SHQ1: variants seen among roughly 807,000 people sequenced by gnomAD.
SHQ1 encodes the protein SHQ1, H/ACA ribonucleoprotein assembly factor.
SHQ1 carries 49 observed loss-of-function variants against 53.8 expected under a neutral mutation model. That is an observed-to-expected ratio of 0.91 (90% confidence interval 0.72 to 1.16). The LOEUF (loss-of-function observed/expected upper bound fraction) is 1.16, where lower values mean the gene tolerates loss of function less well. Ranked by LOEUF, SHQ1 falls within the 50% of genes most tolerant of loss-of-function variation. SHQ1 has a pLI of 0.00. For missense variants in SHQ1, 738 were observed against 683.1 expected (o/e 1.08, Z -0.90); for synonymous variants, 243 against 251.0 (o/e 0.97, Z 0.30).
intron 9 of SHQ1, among the ~76,000 whole-genome samples, chr3:72,797,524 G>A (rs780024733): frequency 2.0e-5 from 3 of 152,174 alleles, no homozygotes; most frequent in Non-Finnish European, 4.4e-5. Context: ...ATTGACAAAT[G>A]AAGGTTACAA....
chr3:72,749,863 G>GT lies in SHQ1; in HGVS notation c.*420dup, dbSNP rs1265907337. On this transcript the variant is annotated 3_prime_UTR_variant, in exon 11 of 11. Transcript: ENST00000325599. Reference sequence around the variant, plus strand: ...AAAACAATGTCATAAAGTTGTCCCCGTATCTGTGGGGGGTTGGTTCCAGGA... The same window carrying GT: ...AAAACAATGTCATAAAGTTGTCCCCGTTATCTGTGGGGGGTTGGTTCCAGGA... 2 of 226,028 alleles carry GT rather than the reference G, an allele frequency of 8.8e-6. No individual in the cohort carries two copies. Among genetic ancestry groups the GT allele is most frequent in the Non-Finnish European group, 1.8e-5 (2 of 114,012 alleles). 14.0% of individuals were successfully genotyped at this position (226,028 alleles called of 1,614,324 possible).
Position 72,844,239 on chromosome 3 carries a change from G to A in SHQ1, c.208+120C>T, listed in dbSNP as rs1036314994. 3 of 771,466 alleles carry A rather than the reference G, an allele frequency of 3.9e-6. No individual in the cohort carries two copies. In the Admixed American group the frequency reaches 7.6e-5, roughly 19 times the overall value. The allele number at this position is 771,466 out of a possible 1,614,324, so 47.8% of individuals were successfully genotyped here. On this transcript the variant is annotated intron_variant, in intron 2 of 10. Coordinates refer to ENST00000325599, the MANE Select transcript of SHQ1 (RefSeq NM_018130.3). ...TGGACACTAAGAAACAAGAAAGAGTGATAGGAACAGATTGTATTTGAAAGA... is the reference window on the plus strand; with the variant it reads ...TGGACACTAAGAAACAAGAAAGAGTAATAGGAACAGATTGTATTTGAAAGA...
intron 10 of SHQ1, among the ~76,000 whole-genome samples, chr3:72,751,358 T>G (rs562262373): frequency 6.6e-6 from 1 of 152,014 alleles, no homozygotes; most frequent in Non-Finnish European, 1.5e-5. Context: ...AGGTGGAGGT[T>G]GCAGTGAGCC....
chr3:72,792,798 A>C lies in SHQ1; in HGVS notation c.1181+118T>G, dbSNP rs1391491872. The C allele has an allele frequency of 3.1e-5, 22 of 720,212 alleles. No homozygotes were observed. The South Asian group carries it at 3.1e-4, about 10-fold the overall frequency. The allele number at this position is 720,212 out of a possible 1,614,324, so 44.6% of individuals were successfully genotyped here. On this transcript the variant is annotated intron_variant, in intron 10 of 10. Transcript: ENST00000325599. ...AACCTCCATCTCAAAAAAAAAAAAA[A>C]AAAAAAAAAAAAACACAACTTACTC...
intron 6 of SHQ1, among the ~76,000 whole-genome samples, chr3:72,817,796 C>T (rs1423226847): frequency 6.6e-6 from 1 of 152,062 alleles, no homozygotes; most frequent in East Asian, 1.9e-4. Flanking sequence ...GGAATACTCC[C>T]AGATATTAAT....
the SHQ1 span, among the ~76,000 whole-genome samples, chr3:72,740,904 T>A: frequency 6.6e-6 from 1 of 152,236 alleles, no homozygotes; most frequent in Non-Finnish European, 1.5e-5. Flanking sequence ...TTTGCAAGAC[T>A]GATTCCAGAT....
chr3:72,845,987 C>T (rs915779765), intron 1 of SHQ1, among the ~76,000 whole-genome samples: 3 of 152,128 alleles, frequency 2.0e-5, no homozygotes, highest in African/African-American at 7.2e-5. Context: ...CTTCTTTGTA[C>T]AAGTTAATTA....
chr3:72,748,956 AACACAC>A (rs1040867730), downstream of SHQ1, among the ~76,000 whole-genome samples: 2 of 140,410 alleles, frequency 1.4e-5, no homozygotes, highest in African/African-American at 2.9e-5. Context: ...CCCTGTCTCA[AACACAC>A]ACGCACACGC....
At chr3:72,817,209 T>A in intron 7 of SHQ1, 21 bp downstream of exon 7, 1 of 1,604,196 alleles carries the variant, frequency 6.2e-7, no homozygotes, top group Non-Finnish European at 8.5e-7. Context: ...TATGGCAACA[T>A]GCACACATAC....
At position 72,796,148 on chromosome 3, in the gene SHQ1, A is replaced by T. The variant is rs1706614162; in HGVS notation, c.1061-3112T>A. Among the ~76,000 whole-genome samples, 3 of 151,148 alleles carry T rather than the reference A, an allele frequency of 2.0e-5. No individual in the cohort carries two copies. The South Asian group carries it at 6.3e-4, about 31-fold the overall frequency. ...AAGAAAGAGAAAAAGAAAATGCAGG[A>T]TTTGGAGAAAACCATTTGGCTAGAG... On this transcript the variant is annotated intron_variant, in intron 9 of 10. Transcript: ENST00000325599.
At chr3:72,805,002 G>C (rs1363387927) in intron 9 of SHQ1, among the ~76,000 whole-genome samples, 3 of 152,344 alleles carry the variant, frequency 2.0e-5, no homozygotes, top group South Asian at 4.1e-4. Flanking sequence ...CTAGATGGTA[G>C]AGTCCACTAC....
intron 4 of SHQ1, among the ~76,000 whole-genome samples, chr3:72,838,599 T>G (rs1193319020): frequency 6.6e-6 from 1 of 152,184 alleles, no homozygotes; most frequent in Non-Finnish European, 1.5e-5. Flanking sequence ...CCTCCTGGGT[T>G]CAAGCGATTC....
the SHQ1 span, among the ~76,000 whole-genome samples, chr3:72,736,627 C>T: frequency 1.3e-5 from 2 of 148,324 alleles, no homozygotes; most frequent in East Asian, 2.0e-4. Context: ...CCCATCTATA[C>T]TAAAATTACA....
At chr3:72,726,255 C>A in the SHQ1 span, among the ~76,000 whole-genome samples, 3 of 152,234 alleles carry the variant, frequency 2.0e-5, no homozygotes, top group Admixed American at 2.0e-4. Context: ...GGGCCTGTGA[C>A]CTCTCAGCCA....
At chr3:72,842,481 T>C in intron 2 of SHQ1, 79 bp from the exon 3 acceptor site, 1 of 1,344,546 alleles carries the variant, frequency 7.4e-7, no homozygotes, top group Non-Finnish European at 1.0e-6. Flanking sequence ...GTAATCCCAA[T>C]ACTCTGGCAG....
intron 10 of SHQ1, among the ~76,000 whole-genome samples, chr3:72,775,466 T>C (rs1207175470): frequency 1.3e-5 from 2 of 151,452 alleles, no homozygotes; most frequent in Non-Finnish European, 2.9e-5. Context: ...TGGCTTTTTT[T>C]TTTTTTTTTT....
the SHQ1 span, among the ~76,000 whole-genome samples, chr3:72,726,350 G>C: frequency 6.6e-6 from 1 of 151,920 alleles, no homozygotes; most frequent in South Asian, 2.1e-4. Context: ...CTTACGTTAG[G>C]CCCTTTCTTT....
At chr3:72,774,806 C>A (rs1198842006) in intron 10 of SHQ1, among the ~76,000 whole-genome samples, 17 of 151,994 alleles carry the variant, frequency 1.1e-4, no homozygotes, top group Admixed American at 1.1e-3. Context: ...AGAAGACAGA[C>A]AAAGAGAGGA....
chr3:72,828,165 C>T (rs1707718721), intron 5 of SHQ1, among the ~76,000 whole-genome samples: 1 of 152,114 alleles, frequency 6.6e-6, no homozygotes, highest in African/African-American at 2.4e-5. Flanking sequence ...TTAAGGACTC[C>T]ACAATTTAAG....
Sources: gnomAD v4.1 joint callset for allele counts (sites outside exome capture counted in the v4.1 genomes callset) on GRCh38, gnomAD v4.1.1 for gene constraint, MANE v1.5 for transcripts, NCBI Gene and HGNC (gene_info 2026-07-23, HGNC 2026-07-21) for gene names.